Variants in STARD8 observed in about 807,000 individuals in gnomAD.
The protein encoded by STARD8 is StAR related lipid transfer domain containing 8.
Under a neutral mutation model 69.4 loss-of-function variants are expected in STARD8, and 25 were observed. The observed-to-expected ratio is 0.36, with a 90% confidence interval of 0.26 to 0.50. The LOEUF (loss-of-function observed/expected upper bound fraction) is 0.50. Among genes scored for constraint, STARD8 ranks in the 20% least tolerant of loss-of-function variants. The pLI is 0.96. For missense variants in STARD8, 921 were observed against 932.5 expected (o/e 0.99, Z 0.16); for synonymous variants, 389 against 374.6 (o/e 1.04, Z -0.45).
At chrX:68,674,349 GA>G (rs1300450024) in intron 2 of STARD8, among the ~76,000 whole-genome samples, 3 of 108,089 alleles carry the variant, frequency 2.8e-5, no homozygotes, top group Admixed American at 2.0e-4. Flanking sequence ...GTGGAGACTT[GA>G]AAAAAAATTC....
chrX:68,669,839 A>G (rs1247537949), intron 2 of STARD8, among the ~76,000 whole-genome samples: 1 of 112,398 alleles, frequency 8.9e-6, no homozygotes, highest in African/African-American at 3.2e-5. Flanking sequence ...GGTGTCTGTC[A>G]CCTCCAAGGC....
At chrX:68,723,145 G>C (rs1452716554) in intron 12 of STARD8, among the ~76,000 whole-genome samples, 3 of 112,699 alleles carry the variant, frequency 2.7e-5, no homozygotes, top group Non-Finnish European at 5.6e-5. Context: ...CTTGGACGTG[G>C]ATTCTGAGTA....
chrX:68,723,952 C>T lies in STARD8; in HGVS notation c.3025C>T (p.Arg1009Cys), dbSNP rs202196793. The T allele has an allele frequency of 1.3e-4, 153 of 1,210,304 alleles. 1 individual carries two copies. The East Asian group carries it at 2.3e-3, about 18-fold the overall frequency. Residue 1009 changes from arginine (R) to cysteine (C), a missense_variant, in exon 14 of 15, where the codon CGC becomes TGC. Physicochemically the swap from Arg to Cys is radical, Grantham distance 180 (BLOSUM62 -3). Transcript: ENST00000374599. ...CRDFVVLRMW[R>C]SDLPRGGCLL... ...GTGTCCCTTCTCCAATAGGATGTGGCGCTCTGACCTGCCTCGTGGGGGTTG... is the reference window on the plus strand; with the variant it reads ...GTGTCCCTTCTCCAATAGGATGTGGTGCTCTGACCTGCCTCGTGGGGGTTG...
intron 1 of STARD8, among the ~76,000 whole-genome samples, chrX:68,651,568 G>A (rs1268145177): frequency 2.7e-5 from 3 of 111,476 alleles, no homozygotes; most frequent in African/African-American, 9.8e-5. Flanking sequence ...TCCTGTCAGA[G>A]CTGAAAGGGC....
At chrX:68,650,967 C>T (rs2079545100) in intron 1 of STARD8, among the ~76,000 whole-genome samples, 2 of 112,649 alleles carry the variant, frequency 1.8e-5, no homozygotes, top group Non-Finnish European at 3.8e-5. Flanking sequence ...TATTCAACCC[C>T]ACACACATAT....
chrX:68,681,095 G>C (rs1040933324), intron 2 of STARD8, among the ~76,000 whole-genome samples: 3 of 111,531 alleles, frequency 2.7e-5, no homozygotes, highest in African/African-American at 9.8e-5. Flanking sequence ...CATATACACT[G>C]TTTCTGCCAT....
chrX:68,697,440 C>A (rs1381755709), intron 2 of STARD8, among the ~76,000 whole-genome samples: 1 of 112,086 alleles, frequency 8.9e-6, no homozygotes, highest in Non-Finnish European at 1.9e-5. Context: ...GCGGAGACTT[C>A]CTGCCTTTGT....
At chrX:68,723,566 C>A in intron 12 of STARD8, 60 bp from the exon 13 acceptor site, 1 of 1,020,213 alleles carries the variant, frequency 9.8e-7, no homozygotes. Flanking sequence ...GGACTTAGGG[C>A]TGGAGTCAGA....
chrX:68,699,522 C>G (rs1219040242), intron 2 of STARD8, among the ~76,000 whole-genome samples: 1 of 111,969 alleles, frequency 8.9e-6, no homozygotes, highest in Non-Finnish European at 1.9e-5. Context: ...CCTGTCTGCT[C>G]TCTCTGACCT....
intron 1 of STARD8, among the ~76,000 whole-genome samples, chrX:68,648,500 T>C (rs1306026873): frequency 5.4e-5 from 6 of 111,166 alleles, no homozygotes; most frequent in African/African-American, 2.0e-4. Flanking sequence ...GTGGCTCACG[T>C]CTGTAATCCC....
At chrX:68,695,747 A>G (rs2079914948) in intron 2 of STARD8, among the ~76,000 whole-genome samples, 1 of 111,885 alleles carries the variant, frequency 8.9e-6, no homozygotes, top group Admixed American at 9.5e-5. Context: ...TGGCACCAAG[A>G]AGACTCGAAT....
Position 68,685,086 on chromosome X carries a change from T to G in STARD8, c.79+19554T>G, listed in dbSNP as rs1602568671. On this transcript the variant is annotated intron_variant, in intron 2 of 14. Coordinates refer to ENST00000374599, the MANE Select transcript of STARD8 (RefSeq NM_001142503.3). ...CATATCAACTGGAAACTGCACTTCC[T>G]TTTTCTAGCTTATCCCTCACAAATG... 4.5e-5 allele frequency among the ~76,000 whole-genome samples: 5 copies of G among 112,177 alleles called. No individual in the cohort carries two copies. In the South Asian group the frequency reaches 1.5e-3, roughly 34 times the overall value.
At chrX:68,720,542 G>A in intron 8 of STARD8, 119 bp downstream of exon 8, 3 of 909,196 alleles carry the variant, frequency 3.3e-6, no homozygotes, top group African/African-American at 2.0e-5. Flanking sequence ...CCTCACTTGG[G>A]CTGGTCCACC....
At chrX:68,701,613 G>A (rs767097457) in intron 2 of STARD8, among the ~76,000 whole-genome samples, 19 of 112,365 alleles carry the variant, frequency 1.7e-4, no homozygotes, top group African/African-American at 6.1e-4. Context: ...GGGTATTCAT[G>A]CTCTAAAACA....
At chrX:68,651,589 C>A (rs1251636976) in intron 1 of STARD8, among the ~76,000 whole-genome samples, 2 of 111,041 alleles carry the variant, frequency 1.8e-5, no homozygotes, top group African/African-American at 3.3e-5. Flanking sequence ...CCTCTCAGAT[C>A]ATCTTATTCA....
At chrX:68,703,954 T>G (rs1056474658) in intron 2 of STARD8, among the ~76,000 whole-genome samples, 5 of 111,785 alleles carry the variant, frequency 4.5e-5, no homozygotes, top group African/African-American at 1.6e-4. Context: ...GGCTTTGAGG[T>G]GAAGACATGT....
intron 4 of STARD8, among the ~76,000 whole-genome samples, chrX:68,715,957 T>A (rs1442150041): frequency 8.9e-6 from 1 of 112,315 alleles, no homozygotes; most frequent in Non-Finnish European, 1.9e-5. Context: ...CCCACACTGG[T>A]CTGTTTGCTG....
At position 68,722,123 on chromosome X, in the gene STARD8, C is replaced by T; in HGVS notation, c.2536C>T (p.Leu846=). 7.5e-6 allele frequency: 9 copies of T among 1,207,702 alleles called. No homozygotes were observed. Among genetic ancestry groups the T allele is most frequent in the Non-Finnish European group, 1.0e-5 (9 of 892,506 alleles). Residue 846 remains leucine, a synonymous_variant, in exon 11 of 15, where the codon CTG becomes TTG. Coordinates refer to ENST00000374599, the MANE Select transcript of STARD8 (RefSeq NM_001142503.3). The part of the protein sequence containing the change: ...LSDNMAATQG[L]SHMISDCKKL... ...TGACAACATGGCAGCCACCCAGGGCCTGTCGCACATGATCAGTGACTGCAA... is the reference window on the plus strand; with the variant it reads ...TGACAACATGGCAGCCACCCAGGGCTTGTCGCACATGATCAGTGACTGCAA...
In STARD8 at chrX:68,717,512, G is replaced by A. The variant is rs767619757; in HGVS notation, c.598G>A (p.Ala200Thr). ...GGGCCAGGAGGGTCCCCAGGACAAAGCCAAGAAGCGCCATCGTAACCGTAG... is the reference window on the plus strand; with the variant it reads ...GGGCCAGGAGGGTCCCCAGGACAAAACCAAGAAGCGCCATCGTAACCGTAG... ...TQGQEGPQDK[A>T]KKRHRNRSFL... Residue 200 changes from alanine to threonine, a missense_variant, in exon 6 of 15, where the codon GCC becomes ACC. Ala to Thr is a moderately conservative substitution (Grantham distance 58). Transcript: ENST00000374599. 6 of 1,210,489 alleles carry A rather than the reference G, an allele frequency of 5.0e-6. No individual in the cohort carries two copies. The highest frequency in any genetic ancestry group is 6.7e-6 in the Non-Finnish European group (6 of 895,516).
Sources: gnomAD v4.1 joint callset for allele counts (sites outside exome capture counted in the v4.1 genomes callset) on GRCh38, gnomAD v4.1.1 for gene constraint, MANE v1.5 for transcripts, NCBI Gene and HGNC (gene_info 2026-07-23, HGNC 2026-07-21) for gene names.